The following TNRC6B variants were observed in gnomAD, a reference collection of about 807,000 sequenced individuals.
TNRC6B encodes the protein trinucleotide repeat containing adaptor 6B.
In TNRC6B, 52 loss-of-function variants were observed where a neutral mutation model predicts 203.6. That is an observed-to-expected ratio of 0.26 (90% confidence interval 0.20 to 0.32). TNRC6B has a LOEUF of 0.32. TNRC6B is among the 10% of genes least tolerant of loss of function. The probability of loss-of-function intolerance (pLI) is 1.00; values close to 1 mark genes in which losing one functional copy is unlikely to be tolerated. For missense variants in TNRC6B, 1,923 were observed against 2,286.2 expected (o/e 0.84, Z 3.24); for synonymous variants, 838 against 845.7 (o/e 0.99, Z 0.16).
intron 1 of TNRC6B, among the ~76,000 whole-genome samples, chr22:40,088,160 T>C (rs1249678172): frequency 6.6e-6 from 1 of 152,186 alleles, no homozygotes; most frequent in African/African-American, 2.4e-5. Flanking sequence ...TCCTATCTCG[T>C]CTCATCCTCA....
At chr22:40,313,481 C>T (rs937564099) in intron 19 of TNRC6B, among the ~76,000 whole-genome samples, 2 of 151,422 alleles carry the variant, frequency 1.3e-5, no homozygotes, top group Non-Finnish European at 2.9e-5. Context: ...TGGTAAGTTC[C>T]TCATGGTTTT....
rs759755043 is a variant in TNRC6B at position 40,089,399 on chromosome 22, A to T, written c.-120-27656A>T. 2.6e-5 allele frequency among the ~76,000 whole-genome samples: 4 copies of T among 151,858 alleles called. No individual in the cohort carries two copies. In the East Asian group the frequency reaches 5.8e-4, roughly 22 times the overall value. ...AGGCACACACTACCACACCCAGCTA[A>T]TTTTTTTATTTTTAGTAGAGATGGG... On this transcript the variant is annotated intron_variant, in intron 1 of 23. Coordinates refer to the TNRC6B transcript ENST00000301923.
At chr22:40,311,019 A>G in intron 17 of TNRC6B, 26 bp downstream of exon 17, 1 of 1,588,406 alleles carries the variant, frequency 6.3e-7, no homozygotes. Flanking sequence ...TGCTTTTCCC[A>G]GGATAGCATT....
chr22:40,288,075 G>A (rs1444119247), intron 12 of TNRC6B, among the ~76,000 whole-genome samples: 1 of 152,236 alleles, frequency 6.6e-6, no homozygotes, highest in Non-Finnish European at 1.5e-5. Flanking sequence ...ATTAGTTAGA[G>A]CTTGTTGAAA....
intron 15 of TNRC6B, among the ~76,000 whole-genome samples, chr22:40,307,093 A>C (rs1601510638): frequency 7.2e-6 from 1 of 139,328 alleles, no homozygotes; most frequent in East Asian, 2.1e-4. Context: ...ATTCGGTTAC[A>C]GAGTGTGAAA....
intron 1 of TNRC6B, among the ~76,000 whole-genome samples, chr22:40,115,456 C>A (rs1458313097): frequency 6.6e-6 from 1 of 152,164 alleles, no homozygotes; most frequent in Non-Finnish European, 1.5e-5. Context: ...CAGCTAACTT[C>A]AATTTTTACC....
intron 1 of TNRC6B, among the ~76,000 whole-genome samples, chr22:40,100,456 G>A (rs1455750405): frequency 6.6e-6 from 1 of 151,916 alleles, no homozygotes; most frequent in Admixed American, 6.6e-5. Flanking sequence ...ATAGCTCACT[G>A]CAGCCTCGAA....
At chr22:40,283,394 C>G (rs1371741995) in intron 11 of TNRC6B, among the ~76,000 whole-genome samples, 1 of 152,038 alleles carries the variant, frequency 6.6e-6, no homozygotes, top group Non-Finnish European at 1.5e-5. Flanking sequence ...AGGTTGGTCT[C>G]GAACTCCTAG....
At chr22:40,112,003 A>G (rs1668330176) in intron 1 of TNRC6B, among the ~76,000 whole-genome samples, 1 of 152,206 alleles carries the variant, frequency 6.6e-6, no homozygotes, top group Admixed American at 6.5e-5. Flanking sequence ...TGGGAGGCTG[A>G]GGCAGGAGAA....
At chr22:40,142,757 A>G (rs1365264183) in intron 3 of TNRC6B, among the ~76,000 whole-genome samples, 1 of 152,198 alleles carries the variant, frequency 6.6e-6, no homozygotes, top group South Asian at 2.1e-4. Flanking sequence ...TGCCCATCCT[A>G]TAGTTGTATA....
At chr22:40,284,770 G>A (rs2070761137) in intron 11 of TNRC6B, among the ~76,000 whole-genome samples, 2 of 152,198 alleles carry the variant, frequency 1.3e-5, no homozygotes, top group South Asian at 4.1e-4. Flanking sequence ...TCCAAGCTGG[G>A]CCTTGAAGAG....
intron 1 of TNRC6B, among the ~76,000 whole-genome samples, chr22:40,226,454 A>G (rs1181773351): frequency 6.6e-6 from 1 of 152,196 alleles, no homozygotes; most frequent in African/African-American, 2.4e-5. Flanking sequence ...CTGCCGTCAG[A>G]TCACTTGTTT....
chr22:40,228,542 C>A (rs560541023), intron 1 of TNRC6B, among the ~76,000 whole-genome samples: 4 of 147,804 alleles, frequency 2.7e-5, no homozygotes, highest in African/African-American at 7.5e-5. Flanking sequence ...TTTTTTGAGA[C>A]AGAGTCTTGC....
At chr22:40,142,310 C>G (rs990785127) in intron 3 of TNRC6B, among the ~76,000 whole-genome samples, 4 of 151,652 alleles carry the variant, frequency 2.6e-5, no homozygotes, top group Non-Finnish European at 4.4e-5. Flanking sequence ...GATCTTCATA[C>G]CTTGGTTTCT....
chr22:40,224,773 GT>G (rs1459829171), intron 1 of TNRC6B, among the ~76,000 whole-genome samples: 1 of 152,102 alleles, frequency 6.6e-6, no homozygotes, highest in East Asian at 1.9e-4. Context: ...TCCATCTGGA[GT>G]TTATTTTCAC....
At chr22:40,230,761 T>C (rs2069859159) in intron 1 of TNRC6B, among the ~76,000 whole-genome samples, 1 of 152,054 alleles carries the variant, frequency 6.6e-6, no homozygotes, top group East Asian at 1.9e-4. Context: ...TATATCAGGG[T>C]TTTTTCTTTT....
At chr22:40,224,177 G>A (rs1286271552) in intron 1 of TNRC6B, among the ~76,000 whole-genome samples, 1 of 151,986 alleles carries the variant, frequency 6.6e-6, no homozygotes, top group Non-Finnish European at 1.5e-5. Flanking sequence ...GCTAATTTTT[G>A]TATTTTTAAT....
intron 12 of TNRC6B, among the ~76,000 whole-genome samples, chr22:40,288,600 T>A (rs940745753): frequency 1.3e-5 from 2 of 151,762 alleles, no homozygotes; most frequent in Non-Finnish European, 2.9e-5. Flanking sequence ...TGGAGTGCAG[T>A]GGCACAATCT....
intron 10 of TNRC6B, among the ~76,000 whole-genome samples, chr22:40,280,663 T>C (rs1187780082): frequency 6.6e-6 from 1 of 152,278 alleles, no homozygotes; most frequent in Non-Finnish European, 1.5e-5. Flanking sequence ...GTGGGAATTA[T>C]ATCTTGATCC....
Sources: gnomAD v4.1 joint callset for allele counts (sites outside exome capture counted in the v4.1 genomes callset) on GRCh38, gnomAD v4.1.1 for gene constraint, MANE v1.5 for transcripts, NCBI Gene and HGNC (gene_info 2026-07-23, HGNC 2026-07-21) for gene names.